FLRT2: variants seen among roughly 807,000 people sequenced by gnomAD.
FLRT2 encodes fibronectin leucine rich transmembrane protein 2.
FLRT2 carries 15 observed loss-of-function variants against 40.0 expected under a neutral mutation model. The ratio of observed to expected loss-of-function variants is 0.38; its 90% CI spans 0.25 to 0.58. FLRT2 has a LOEUF of 0.58. FLRT2 is among the 20% of genes least tolerant of loss of function. The pLI, the probability that FLRT2 is intolerant of heterozygous loss-of-function variation, is 0.71. For missense variants in FLRT2, 726 were observed against 840.0 expected, an observed-to-expected ratio of 0.86 and a Z score of 1.68; for synonymous variants, 380 against 336.8, an observed-to-expected ratio of 1.13 and a Z score of -1.41.
chr14:85,644,020 A>T lies in FLRT2; in HGVS notation c.*20523A>T, dbSNP rs1894231273. ...CCTGAATTGTGCAAATGAAGGAAAG[A>T]TGCAGGTTTGGCAAATTGAAGCCAG... On this transcript the variant is annotated 3_prime_UTR_variant, in exon 2 of 2. Coordinates refer to ENST00000330753, the MANE Select transcript of FLRT2 (RefSeq NM_013231.6). 1 of 152,246 alleles carries T rather than the reference A, an allele frequency of 6.6e-6. No homozygotes were observed. The highest frequency in any genetic ancestry group is 1.5e-5 in the Non-Finnish European group (1 of 68,040). The allele number at this position is 152,246 out of a possible 1,614,324, so 9.4% of individuals were successfully genotyped here. A position where few individuals can be genotyped will look rare whatever the true frequency, so the allele number is the denominator to read the frequency against.
chr14:85,610,250 C>G (rs1305050493), intron 1 of FLRT2, among the ~76,000 whole-genome samples: 5 of 151,892 alleles, frequency 3.3e-5, no homozygotes, highest in African/African-American at 4.8e-5. Flanking sequence ...TGGGGATGTT[C>G]GCGAGAAGAG....
Position 85,601,498 on chromosome 14 carries a change from G to A in FLRT2, c.-376-19641G>A, listed in dbSNP as rs1325025824. On this transcript the variant is annotated intron_variant, in intron 1 of 1. Transcript: ENST00000330753. ...AGGCTGTCCTAGCAGCTGGTGAATG[G>A]CAAGCTGCAATGGATTAATGGCTTA... Among the ~76,000 whole-genome samples, 5 of 152,266 alleles carry A rather than the reference G, an allele frequency of 3.3e-5. No individual in the cohort carries two copies. In the East Asian group the frequency reaches 7.8e-4, roughly 24 times the overall value.
chr14:85,643,367 C>CTTTCT lies in FLRT2; in HGVS notation c.*19872_*19873insTCTTT, dbSNP rs1566774573. 2.5e-5 allele frequency: 3 copies of CTTTCT among 118,264 alleles called. No homozygotes were observed. The highest frequency in any genetic ancestry group is 9.1e-5 in the Admixed American group (1 of 11,016). The allele number at this position is 118,264 out of a possible 1,614,324, so 7.3% of individuals were successfully genotyped here. On this transcript the variant is annotated 3_prime_UTR_variant, in exon 2 of 2. Coordinates refer to ENST00000330753, the MANE Select transcript of FLRT2 (RefSeq NM_013231.6). The stretch of plus-strand genomic sequence containing the variant: ...TCTTTCTTTCTTTCTTCCTTCCTTC[C>CTTTCT]TTCCTTCCTTTCTTTCCTTTCTCCT...
chr14:85,569,771 C>T (rs988327226), intron 1 of FLRT2, among the ~76,000 whole-genome samples: 2 of 152,148 alleles, frequency 1.3e-5, no homozygotes, highest in Non-Finnish European at 2.9e-5. Flanking sequence ...CCTGAAATCA[C>T]GTTATTAAAG....
At chr14:85,549,327 G>T (rs2139822030) in intron 1 of FLRT2, among the ~76,000 whole-genome samples, 2 of 152,260 alleles carry the variant, frequency 1.3e-5, no homozygotes, top group South Asian at 4.1e-4. Flanking sequence ...ACTCCTAGAT[G>T]CTGCCATGGG....
chr14:85,594,542 C>T (rs1892046283), intron 1 of FLRT2, among the ~76,000 whole-genome samples: 1 of 152,182 alleles, frequency 6.6e-6, no homozygotes, highest in South Asian at 2.1e-4. Flanking sequence ...TCTCTTACCC[C>T]AGTAGGTGCT....
chr14:85,578,883 C>A (rs548310787), intron 1 of FLRT2, among the ~76,000 whole-genome samples: 1 of 152,142 alleles, frequency 6.6e-6, no homozygotes, highest in Non-Finnish European at 1.5e-5. Context: ...GCTCCTCAAA[C>A]CAGAAGGCAC....
At chr14:85,570,414 C>A (rs1308503650) in intron 1 of FLRT2, among the ~76,000 whole-genome samples, 1 of 152,230 alleles carries the variant, frequency 6.6e-6, no homozygotes, top group Non-Finnish European at 1.5e-5. Context: ...AATGACTTTA[C>A]ATTTAGCTAT....
chr14:85,597,620 G>A (rs1195475501), intron 1 of FLRT2, among the ~76,000 whole-genome samples: 6 of 152,162 alleles, frequency 3.9e-5, no homozygotes, highest in Admixed American at 3.3e-4. Context: ...GCAATGGCAC[G>A]ATCTCGACTC....
intron 1 of FLRT2, among the ~76,000 whole-genome samples, chr14:85,600,982 C>A (rs1192516418): frequency 6.6e-6 from 1 of 152,072 alleles, no homozygotes; most frequent in East Asian, 1.9e-4. Flanking sequence ...ACTTTCATTT[C>A]ATATTGTGTA....
chr14:85,532,499 G>A (rs927359172), intron 1 of FLRT2, among the ~76,000 whole-genome samples: 1 of 152,208 alleles, frequency 6.6e-6, no homozygotes, highest in Non-Finnish European at 1.5e-5. Context: ...ACTGCGAAGT[G>A]GAAACGTTGC....
chr14:85,576,052 G>T (rs1891114717), intron 1 of FLRT2, among the ~76,000 whole-genome samples: 1 of 152,154 alleles, frequency 6.6e-6, no homozygotes, highest in Non-Finnish European at 1.5e-5. Flanking sequence ...TTAAGAGATT[G>T]TTCATGGACT....
At chr14:85,620,874 G>A (rs1893348407) in intron 1 of FLRT2, among the ~76,000 whole-genome samples, 1 of 152,204 alleles carries the variant, frequency 6.6e-6, no homozygotes, top group Non-Finnish European at 1.5e-5. Flanking sequence ...TAAAAGAGAA[G>A]GTACTGATTA....
intron 1 of FLRT2, among the ~76,000 whole-genome samples, chr14:85,592,789 C>A (rs1439936015): frequency 2.2e-3 from 196 of 90,576 alleles, no homozygotes; most frequent in South Asian, 3.2e-3. Context: ...AACTCCGTCT[C>A]AAAAAAAAAA....
intron 1 of FLRT2, among the ~76,000 whole-genome samples, chr14:85,605,498 C>T (rs2753626): frequency 0.82 from 125,388 of 152,186 alleles, 51,694 homozygotes; most frequent in East Asian, 0.88. Flanking sequence ...TGGCTGGGCA[C>T]GGTGGCTCAC....
chr14:85,608,744 C>A (rs967103436), intron 1 of FLRT2, among the ~76,000 whole-genome samples: 1 of 152,154 alleles, frequency 6.6e-6, no homozygotes, highest in Admixed American at 6.5e-5. Flanking sequence ...GAAGTATGCA[C>A]GACCCTTCTC....
chr14:85,597,953 G>T (rs527261190), intron 1 of FLRT2, among the ~76,000 whole-genome samples: 1 of 152,172 alleles, frequency 6.6e-6, no homozygotes, highest in Non-Finnish European at 1.5e-5. Context: ...TTTATTTACA[G>T]TCAGAAACAT....
chr14:85,621,668 C>A lies in FLRT2; in HGVS notation c.154C>A (p.Arg52=), dbSNP rs746663082. ...CAGGAACTTTGTCTACTGTAATGAG[C>A]GAAGCTTGACCTCAGTGCCTCTTGG... ...CDRNFVYCNE[R]SLTSVPLGIP... is the part of the protein sequence containing the mutation. Residue 52 remains arginine (R), a synonymous_variant, in exon 2 of 2, where the codon CGA becomes AGA. Coordinates refer to ENST00000330753, the MANE Select transcript of FLRT2 (RefSeq NM_013231.6). 5.0e-6 allele frequency: 8 copies of A among 1,613,934 alleles called. No homozygotes were observed. In the African/African-American group the frequency reaches 1.1e-4, roughly 22 times the overall value.
chr14:85,587,996 A>G (rs556985498), intron 1 of FLRT2, among the ~76,000 whole-genome samples: 83 of 151,986 alleles, frequency 5.5e-4, no homozygotes, highest in African/African-American at 1.8e-3. Flanking sequence ...CAGTGGCGCA[A>G]TCTCAGCTCA....
Sources: allele counts gnomAD v4.1 joint callset (sites outside exome capture counted in the v4.1 genomes callset), GRCh38; gene constraint gnomAD v4.1.1; transcripts MANE v1.5; gene names NCBI Gene and HGNC (gene_info 2026-07-23, HGNC 2026-07-21).